The following CUX1 variants were observed in gnomAD, a reference collection of about 807,000 sequenced individuals.
The protein encoded by CUX1 is protein CASP.
A neutral mutation model predicts 158.8 loss-of-function variants in CUX1; 31 were observed. The ratio of observed to expected loss-of-function variants is 0.20; its 90% confidence interval spans 0.15 to 0.26. The LOEUF (loss-of-function observed/expected upper bound fraction) is 0.26, where lower values mean the gene tolerates loss of function less well. Ranked by LOEUF, CUX1 falls within the 10% of genes least tolerant of loss-of-function variation. CUX1 has a pLI of 1.00. For synonymous variants in CUX1, 879 were observed against 862.1 expected (o/e 1.02, Z -0.34); for missense variants, 1,589 against 2,014.6 (o/e 0.79, Z 4.04).
At chr7:101,846,219 C>T (rs1434122653) in intron 1 of CUX1, among the ~76,000 whole-genome samples, 1 of 152,210 alleles carries the variant, frequency 6.6e-6, no homozygotes, top group Non-Finnish European at 1.5e-5. Flanking sequence ...CCAAGTTGAG[C>T]TCTCCCAGCA....
At chr7:102,060,420 G>T (rs991838445) in intron 3 of CUX1, among the ~76,000 whole-genome samples, 1 of 151,940 alleles carries the variant, frequency 6.6e-6, no homozygotes, top group East Asian at 1.9e-4. Flanking sequence ...GCGAAGGTTA[G>T]TGCTGTTGAC....
chr7:102,030,694 T>TTTTTTTTTTTTGTTTTTTGTTTTTTG, intron 3 of CUX1, among the ~76,000 whole-genome samples: 1 of 143,632 alleles, frequency 7.0e-6, no homozygotes, highest in African/African-American at 2.6e-5. Flanking sequence ...AAAAAGTGTT[T>TTTTTTTTTTTTGTTTTTTGTTTTTTG]TTTTTTTTTG....
At chr7:102,006,934 T>G (rs1817444526) in intron 2 of CUX1, among the ~76,000 whole-genome samples, 1 of 152,212 alleles carries the variant, frequency 6.6e-6, no homozygotes, top group African/African-American at 2.4e-5. Flanking sequence ...CTTCTTAGAT[T>G]TCCCACACAA....
Position 102,060,760 on chromosome 7 carries a change from C to A in CUX1, c.190-9579C>A, listed in dbSNP as rs936257809. ...CCCAAATAGCTGGGATTACAGGTGC[C>A]TGCCACCACACCTGGCTGATTTTTT... On this transcript the variant is annotated intron_variant, in intron 3 of 23. Transcript: ENST00000292535. Among the ~76,000 whole-genome samples the A allele has an allele frequency of 4.6e-5, 7 of 151,588 alleles. No individual in the cohort carries two copies. In the Admixed American group the frequency reaches 4.6e-4, roughly 10 times the overall value.
chr7:102,254,055 T>C lies in CUX1; in HGVS notation c.*5013T>C. Reference sequence around the variant, plus strand: ...CAGCAGACACGAACATCCCTCTGCCTGGTGGGCCGGCTTTGTGTGTCTCTC... The same window carrying C: ...CAGCAGACACGAACATCCCTCTGCCCGGTGGGCCGGCTTTGTGTGTCTCTC... On this transcript the variant is annotated 3_prime_UTR_variant, in exon 24 of 24. Transcript: ENST00000292535. The C allele has an allele frequency of 2.0e-6, 2 of 985,486 alleles. No homozygotes were observed. The highest frequency in any genetic ancestry group is 9.4e-5 in the South Asian group (2 of 21,280). 61.0% of individuals were successfully genotyped at this position (985,486 alleles called of 1,614,324 possible). A position where few individuals can be genotyped will look rare whatever the true frequency, so the allele number is the denominator to read the frequency against.
At position 102,252,227 on chromosome 7, in the gene CUX1, G is replaced by A; in HGVS notation, c.*3185G>A. ...CACTAAAATAATACAGCAATCCGTG[G>A]CCAGGGGAGCACCCCCTCCTGGTTG... On this transcript the variant is annotated 3_prime_UTR_variant, in exon 24 of 24. Coordinates refer to ENST00000292535, the MANE Select transcript of CUX1 (RefSeq NM_181552.4). 1.0e-6 allele frequency: 1 copy of A among 985,388 alleles called. No homozygotes were observed. The highest frequency in any genetic ancestry group is 4.7e-5 in the South Asian group (1 of 21,286). 61.0% of individuals were successfully genotyped at this position (985,388 alleles called of 1,614,324 possible). A position where few individuals can be genotyped will look rare whatever the true frequency, so the allele number is the denominator to read the frequency against.
chr7:102,150,107 A>T (rs781843138), intron 8 of CUX1, among the ~76,000 whole-genome samples: 5 of 152,158 alleles, frequency 3.3e-5, no homozygotes, highest in African/African-American at 9.7e-5. Context: ...AAAGAACTTT[A>T]TGATCTGGTA....
At chr7:101,848,444 C>T (rs374156858) in intron 1 of CUX1, among the ~76,000 whole-genome samples, 5 of 152,058 alleles carry the variant, frequency 3.3e-5, no homozygotes, top group Admixed American at 6.6e-5. Flanking sequence ...AACTTCCTAC[C>T]GCGAGGAGAA....
rs10643207 is a variant in CUX1 at position 101,976,900 on chromosome 7, ATTTTTTTTT to A, written c.142-51178_142-51170del. ...ATTTGAATAGTCTTTTCCCTTTCTG[ATTTTTTTTT>A]TTTTTTTTTTTTTTTTTTTGGAGAT... On this transcript the variant is annotated intron_variant, in intron 2 of 23. Coordinates refer to ENST00000292535, the MANE Select transcript of CUX1 (RefSeq NM_181552.4). Among the ~76,000 whole-genome samples the A allele has an allele frequency of 3.5e-3, 137 of 39,464 alleles. 1 individual carries two copies. The South Asian group carries it at 0.048, about 14-fold the overall frequency. 25.9% of individuals were successfully genotyped at this position (39,464 alleles called of 152,430 possible). A position where few individuals can be genotyped will look rare whatever the true frequency, so the allele number is the denominator to read the frequency against.
chr7:101,962,181 A>C (rs572801083), intron 2 of CUX1, among the ~76,000 whole-genome samples: 1 of 152,334 alleles, frequency 6.6e-6, no homozygotes, highest in South Asian at 2.1e-4. Flanking sequence ...ACAGGTGGGA[A>C]TTAGATGTCT....
At chr7:102,161,163 AT>A (rs1162662307) in intron 9 of CUX1, 1 of 152,204 alleles carries the variant, frequency 6.6e-6, no homozygotes, top group Non-Finnish European at 1.5e-5. Flanking sequence ...AGCCTGGGCA[AT>A]TTAACAAGTC....
chr7:101,821,329 GA>G (rs1792461539), intron 1 of CUX1, among the ~76,000 whole-genome samples: 1 of 151,406 alleles, frequency 6.6e-6, no homozygotes, highest in East Asian at 1.9e-4. Flanking sequence ...TGGTGAGGGG[GA>G]TATTTTCTTT....
At chr7:102,176,671 A>G (rs1586057712) in intron 10 of CUX1, among the ~76,000 whole-genome samples, 1 of 146,628 alleles carries the variant, frequency 6.8e-6, no homozygotes, top group South Asian at 2.2e-4. Flanking sequence ...CCTCAAGCTC[A>G]AGCAATCCTC....
At chr7:102,104,696 C>T (rs1044601581) in intron 6 of CUX1, among the ~76,000 whole-genome samples, 2 of 152,010 alleles carry the variant, frequency 1.3e-5, no homozygotes, top group Non-Finnish European at 2.9e-5. Context: ...TCGAGACCAG[C>T]ATGACCAACA....
intron 3 of CUX1, among the ~76,000 whole-genome samples, chr7:102,032,693 A>C (rs1462937487): frequency 6.6e-6 from 1 of 152,044 alleles, no homozygotes; most frequent in East Asian, 1.9e-4. Context: ...TAAATAAATA[A>C]ATAAAAGTTT....
chr7:102,025,840 C>T (rs1272176013), intron 2 of CUX1, among the ~76,000 whole-genome samples: 1 of 152,068 alleles, frequency 6.6e-6, no homozygotes, highest in South Asian at 2.1e-4. Context: ...TACAGGATCA[C>T]AATACAAAAT....
At chr7:102,049,731 G>A (rs1823258232) in intron 3 of CUX1, among the ~76,000 whole-genome samples, 1 of 152,126 alleles carries the variant, frequency 6.6e-6, no homozygotes, top group African/African-American at 2.4e-5. Flanking sequence ...TGATCCATGG[G>A]TACATAGGAA....
intron 2 of CUX1, among the ~76,000 whole-genome samples, chr7:102,011,121 T>TA (rs112751614): frequency 0.012 from 1,731 of 145,178 alleles, 11 homozygotes; most frequent in South Asian, 0.03. Context: ...CTCAGAAAAA[T>TA]AAAAAAAAAA....
chr7:101,870,461 C>T (rs1798405955), intron 1 of CUX1, among the ~76,000 whole-genome samples: 1 of 152,098 alleles, frequency 6.6e-6, no homozygotes. Context: ...ATGAGACATT[C>T]CCTAATGTTT....
Sources: gnomAD v4.1 joint callset for allele counts (sites outside exome capture counted in the v4.1 genomes callset) on GRCh38, gnomAD v4.1.1 for gene constraint, MANE v1.5 for transcripts, NCBI Gene and HGNC (gene_info 2026-07-23, HGNC 2026-07-21) for gene names.